The following CASS4 variants were observed in gnomAD, a reference collection of about 807,000 sequenced individuals.
CASS4 encodes cas scaffolding protein family member 4.
CASS4 carries 22 observed loss-of-function variants against 54.2 expected under a neutral mutation model. The ratio of observed to expected loss-of-function variants is 0.41; its 90% CI spans 0.29 to 0.58. The LOEUF is 0.58. Ranked by LOEUF, CASS4 falls within the 20% of genes least tolerant of loss-of-function variation. The probability of loss-of-function intolerance (pLI) is 0.36; values close to 1 mark genes in which losing one functional copy is unlikely to be tolerated. For synonymous variants in CASS4, 409 were observed against 391.5 expected (o/e 1.04, Z -0.53); for missense variants, 854 against 986.7 (o/e 0.87, Z 1.80).
intron 3 of CASS4, 131 bp downstream of exon 3, chr20:56,446,132 A>G: frequency 3.3e-6 from 2 of 601,592 alleles, no homozygotes; most frequent in East Asian, 5.5e-5. Context: ...AATACACATC[A>G]CCACTCAGAG....
At chr20:56,447,179 G>C (rs1384043055) in intron 3 of CASS4, among the ~76,000 whole-genome samples, 1 of 148,894 alleles carries the variant, frequency 6.7e-6, no homozygotes, top group Non-Finnish European at 1.5e-5. Flanking sequence ...CTGTACTCCA[G>C]CCTGGGTGAC....
intron 1 of CASS4, among the ~76,000 whole-genome samples, chr20:56,432,728 CTT>C (rs1364909806): frequency 6.6e-6 from 1 of 152,162 alleles, no homozygotes; most frequent in African/African-American, 2.4e-5. Flanking sequence ...CCCTTAAATA[CTT>C]CATCACTGCT....
At chr20:56,441,432 C>T (rs536769933) in intron 2 of CASS4, among the ~76,000 whole-genome samples, 19 of 151,912 alleles carry the variant, frequency 1.3e-4, no homozygotes, top group African/African-American at 4.3e-4. Flanking sequence ...TAGTGAAACC[C>T]TGTCTCTACT....
intron 1 of CASS4, among the ~76,000 whole-genome samples, chr20:56,425,381 A>G (rs1266866092): frequency 2.0e-5 from 3 of 152,300 alleles, no homozygotes; most frequent in Middle Eastern, 3.4e-3. Context: ...CCCTACTCTC[A>G]AGGAAGAGGT....
At position 56,433,372 on chromosome 20, in the gene CASS4, G is replaced by T. The variant is rs75391341; in HGVS notation, c.37-3792G>T. On this transcript the variant is annotated intron_variant, in intron 1 of 5. Coordinates refer to ENST00000679887, the MANE Select transcript of CASS4 (RefSeq NM_020356.4). ...GGAGGGACTCAAGCCCTCAGAAAGG[G>T]TGACACCCTGGAGGCCAGTGAGGAA... is the stretch of plus-strand genomic sequence containing the variant. 4.5e-4 allele frequency among the ~76,000 whole-genome samples: 69 copies of T among 152,298 alleles called. No homozygotes were observed. The East Asian group carries it at 0.01, about 22-fold the overall frequency.
At chr20:56,438,396 AT>A (rs1187829446) in intron 2 of CASS4, among the ~76,000 whole-genome samples, 2 of 152,060 alleles carry the variant, frequency 1.3e-5, no homozygotes, top group South Asian at 4.1e-4. Context: ...GGCTGTAGCC[AT>A]TATGGCATAG....
Position 56,452,394 on chromosome 20 carries a change from A to G in CASS4, c.1218A>G (p.Arg406=), listed in dbSNP as rs755655823. Residue 406 remains arginine, a synonymous_variant, in exon 5 of 6, where the codon AGA becomes AGG. Coordinates refer to ENST00000679887, the MANE Select transcript of CASS4 (RefSeq NM_020356.4). ...TATCAGGTTCCAGTTCTGACAGCAGAGCTAGCATCGTTTCCTCGTGCTCCA... is the reference window on the plus strand; with the variant it reads ...TATCAGGTTCCAGTTCTGACAGCAGGGCTAGCATCGTTTCCTCGTGCTCCA... The part of the protein sequence containing the change: ...DRLSGSSSDS[R]ASIVSSCSTT... 9.3e-6 allele frequency: 15 copies of G among 1,613,882 alleles called. No individual in the cohort carries two copies. The South Asian group carries it at 1.6e-4, about 18-fold the overall frequency.
intron 2 of CASS4, among the ~76,000 whole-genome samples, chr20:56,439,021 T>TA (rs1426471666): frequency 2.0e-5 from 3 of 152,340 alleles, no homozygotes; most frequent in Non-Finnish European, 4.4e-5. Context: ...GCTGGGGCCT[T>TA]TATTTTATTC....
chr20:56,440,988 ATTTT>A (rs751312557), intron 2 of CASS4, among the ~76,000 whole-genome samples: 2 of 134,902 alleles, frequency 1.5e-5, no homozygotes, highest in African/African-American at 2.9e-5. Flanking sequence ...AAAAAAAAAA[ATTTT>A]TTTTTTTTTT....
rs1979877330 is a variant in CASS4 at position 56,430,978 on chromosome 20, T to G, written c.37-6186T>G. 6.6e-6 allele frequency among the ~76,000 whole-genome samples: 1 copy of G among 152,220 alleles called. No homozygotes were observed. Among genetic ancestry groups the G allele is most frequent in the Non-Finnish European group, 1.5e-5 (1 of 68,022 alleles). ...GGTGACCTTTTGTTCTGAATGCAGT[T>G]CTAAGCAATTAGAGGTTTTTAAAAT... On this transcript the variant is annotated intron_variant, in intron 1 of 5. Transcript: ENST00000679887. This position sits in a 1 kb window ranked among gnomAD's most constrained non-coding sequence, Gnocchi z 4.2.
At chr20:56,426,107 C>T (rs565945454) in intron 1 of CASS4, among the ~76,000 whole-genome samples, 81 of 152,236 alleles carry the variant, frequency 5.3e-4, no homozygotes, top group African/African-American at 1.7e-3. Flanking sequence ...ATGTCCACAC[C>T]GTCTTGTGAT....
Position 56,442,820 on chromosome 20 carries a change from C to G in CASS4, c.460-3080C>G, listed in dbSNP as rs368141375. On this transcript the variant is annotated intron_variant, in intron 2 of 5. Transcript: ENST00000679887. ...GGAGTTTCCTTCTGTCTCCCTAAACCTTTCGAAACTGTGTTTCTCAAACAT... is the reference window on the plus strand; with the variant it reads ...GGAGTTTCCTTCTGTCTCCCTAAACGTTTCGAAACTGTGTTTCTCAAACAT... Among the ~76,000 whole-genome samples the G allele has an allele frequency of 3.3e-5, 5 of 151,952 alleles. No individual in the cohort carries two copies. In the South Asian group the frequency reaches 1.0e-3, roughly 31 times the overall value.
intron 2 of CASS4, among the ~76,000 whole-genome samples, chr20:56,440,987 A>AT (rs1452007723): frequency 0.014 from 2,022 of 148,256 alleles, 30 homozygotes; most frequent in Non-Finnish European, 0.021. Flanking sequence ...TAAAAAAAAA[A>AT]ATTTTTTTTT....
chr20:56,448,572 G>A (rs558873426), intron 3 of CASS4, among the ~76,000 whole-genome samples: 4 of 152,052 alleles, frequency 2.6e-5, no homozygotes, highest in Admixed American at 1.3e-4. Flanking sequence ...GGCAACCCCC[G>A]CTACACCGCA....
At chr20:56,417,560 A>T (rs1050949506) in intron 1 of CASS4, among the ~76,000 whole-genome samples, 6 of 152,204 alleles carry the variant, frequency 3.9e-5, no homozygotes, top group Non-Finnish European at 8.8e-5. Context: ...ACGAAACTCC[A>T]TGAGGGACAG....
intron 5 of CASS4, among the ~76,000 whole-genome samples, chr20:56,454,431 T>A (rs973157632): frequency 6.6e-6 from 1 of 152,200 alleles, no homozygotes; most frequent in Non-Finnish European, 1.5e-5. Flanking sequence ...CATACACATA[T>A]ATATAACTTT....
At chr20:56,455,133 TAA>T (rs11383849) in intron 5 of CASS4, among the ~76,000 whole-genome samples, 1 of 149,644 alleles carries the variant, frequency 6.7e-6, no homozygotes. Flanking sequence ...CTTCCTTTTT[TAA>T]AAAAAAAAAA....
intron 2 of CASS4, among the ~76,000 whole-genome samples, chr20:56,444,781 T>A (rs1290237644): frequency 1.3e-5 from 2 of 152,138 alleles, no homozygotes; most frequent in Non-Finnish European, 2.9e-5. Flanking sequence ...TTTCCCAAAG[T>A]GCCTTGAGCA....
chr20:56,413,985 A>C (rs1979012739), intron 1 of CASS4, among the ~76,000 whole-genome samples: 1 of 152,206 alleles, frequency 6.6e-6, no homozygotes, highest in African/African-American at 2.4e-5. Flanking sequence ...ACTCTTTGAA[A>C]ATAAATGGCC....
Sources: allele counts gnomAD v4.1 joint callset (sites outside exome capture counted in the v4.1 genomes callset), GRCh38; gene constraint gnomAD v4.1.1; non-coding constraint Gnocchi (gnomAD v3.1); transcripts MANE v1.5; gene names NCBI Gene and HGNC (gene_info 2026-07-23, HGNC 2026-07-21).